Variants in RAPGEF1 observed in about 807,000 individuals in gnomAD.
The protein encoded by RAPGEF1 is Rap guanine nucleotide exchange factor 1.
RAPGEF1 carries 33 observed loss-of-function variants against 143.3 expected under a neutral mutation model. The ratio of observed to expected loss-of-function variants is 0.23; its 90% CI spans 0.17 to 0.31. RAPGEF1 has a LOEUF of 0.31. Ranked by LOEUF, RAPGEF1 falls within the 10% of genes least tolerant of loss-of-function variation. RAPGEF1 has a pLI of 1.00. For missense variants in RAPGEF1, 1,199 were observed against 1,645.4 expected, an observed-to-expected ratio of 0.73 and a Z score of 4.69; for synonymous variants, 629 against 676.5, an observed-to-expected ratio of 0.93 and a Z score of 1.09.
intron 1 of RAPGEF1, among the ~76,000 whole-genome samples, chr9:131,730,286 G>A (rs1332172134): frequency 6.7e-6 from 1 of 149,046 alleles, no homozygotes; most frequent in African/African-American, 2.5e-5. Flanking sequence ...AAGCTATTTT[G>A]ATGATTAGTT....
Position 131,737,504 on chromosome 9 carries a change from A to G in RAPGEF1, c.61+2266T>C. ...TCTCTGGGAGCAGGCACTTTCATCT[A>G]CAACCCCCTAGCAGAAGGCGGTGCC... On this transcript the variant is annotated intron_variant, in intron 1 of 26. Coordinates refer to ENST00000683357, the MANE Select transcript of RAPGEF1 (RefSeq NM_001377935.1). The G allele has an allele frequency of 1.9e-6, 3 of 1,613,212 alleles. No individual in the cohort carries two copies. The Admixed American group carries it at 5.0e-5, about 27-fold the overall frequency.
chr9:131,590,082 T>C (rs567463838), intron 18 of RAPGEF1, 104 bp from the exon 19 acceptor site: 1 of 994,668 alleles, frequency 1.0e-6, no homozygotes, highest in Non-Finnish European at 1.6e-6. Context: ...TGTGCCCATC[T>C]TCCTGCATGT....
intron 5 of RAPGEF1, among the ~76,000 whole-genome samples, chr9:131,637,302 A>G (rs1966635943): frequency 6.6e-6 from 1 of 151,920 alleles, no homozygotes; most frequent in Non-Finnish European, 1.5e-5. Context: ...CCCCTTTTAC[A>G]TGAACTCTAT....
intron 17 of RAPGEF1, 89 bp downstream of exon 17, chr9:131,596,209 C>T: frequency 1.6e-6 from 2 of 1,263,514 alleles, no homozygotes; most frequent in Non-Finnish European, 2.3e-6. Context: ...AGGGCTGTGG[C>T]TGCCAGGAGG....
At chr9:131,661,658 T>C (rs1974140885) in intron 1 of RAPGEF1, among the ~76,000 whole-genome samples, 2 of 152,334 alleles carry the variant, frequency 1.3e-5, no homozygotes, top group South Asian at 4.1e-4. Context: ...AGAGCCCACA[T>C]GATTTTTATA....
chr9:131,625,913 A>G lies in RAPGEF1; in HGVS notation c.1702+9T>C. ...TGCACTTCCTGACAACAGTGCAACA[A>G]AGGCTTACTGTGTTTGTTTTTCTTC... On this transcript the variant is annotated intron_variant, in intron 10 of 26. Coordinates refer to ENST00000683357, the MANE Select transcript of RAPGEF1 (RefSeq NM_001377935.1). 6.5e-7 allele frequency: 1 copy of G among 1,543,314 alleles called. No individual in the cohort carries two copies. Among genetic ancestry groups the G allele is most frequent in the African/African-American group, 1.4e-5 (1 of 72,980 alleles).
At chr9:131,688,162 C>T (rs1336216632) in intron 1 of RAPGEF1, among the ~76,000 whole-genome samples, 1 of 152,152 alleles carries the variant, frequency 6.6e-6, no homozygotes, top group South Asian at 2.1e-4. Flanking sequence ...CTGGAGATGC[C>T]GTGCCAGATG....
chr9:131,679,197 T>C (rs1180823832), intron 1 of RAPGEF1, among the ~76,000 whole-genome samples: 1 of 151,834 alleles, frequency 6.6e-6, no homozygotes, highest in Non-Finnish European at 1.5e-5. Flanking sequence ...GTACAAAGGA[T>C]AGATTATAAA....
At chr9:131,666,166 AAGTAGTT>A (rs749092345) in intron 1 of RAPGEF1, among the ~76,000 whole-genome samples, 43 of 152,320 alleles carry the variant, frequency 2.8e-4, no homozygotes, top group Admixed American at 1.3e-3. Flanking sequence ...ATAATTCTCT[AAGTAGTT>A]CTAGCACACG....
intron 1 of RAPGEF1, among the ~76,000 whole-genome samples, chr9:131,672,035 A>G (rs1831485534): frequency 6.6e-6 from 1 of 152,164 alleles, no homozygotes; most frequent in Non-Finnish European, 1.5e-5. Context: ...CTGGGCCAAT[A>G]GGTGCTGCTG....
intron 1 of RAPGEF1, among the ~76,000 whole-genome samples, chr9:131,661,673 T>G (rs953057605): frequency 6.6e-6 from 1 of 152,206 alleles, no homozygotes; most frequent in African/African-American, 2.4e-5. Context: ...TTTATATGGG[T>G]CAGATTAACA....
intron 1 of RAPGEF1, among the ~76,000 whole-genome samples, chr9:131,716,747 C>T (rs1835891537): frequency 6.6e-6 from 1 of 152,070 alleles, no homozygotes; most frequent in South Asian, 2.1e-4. Context: ...CACTCCAGCC[C>T]GGGTGACAGA....
chr9:131,714,053 A>T (rs539902564), intron 1 of RAPGEF1, among the ~76,000 whole-genome samples: 73 of 148,374 alleles, frequency 4.9e-4, no homozygotes, highest in African/African-American at 1.7e-3. Flanking sequence ...CTCAGGAATA[A>T]TTTTTTTTTT....
At chr9:131,622,771 CT>C (rs35243547) in intron 10 of RAPGEF1, among the ~76,000 whole-genome samples, 208 of 145,454 alleles carry the variant, frequency 1.4e-3, no homozygotes, top group Middle Eastern at 3.4e-3. Context: ...CTCACACTTC[CT>C]TTTTTTTTTT....
intron 1 of RAPGEF1, among the ~76,000 whole-genome samples, chr9:131,653,597 C>T (rs1264551586): frequency 7.2e-5 from 11 of 152,206 alleles, no homozygotes; most frequent in Admixed American, 6.5e-4. Context: ...TAACGCTTCA[C>T]GCACACTAGG....
intron 1 of RAPGEF1, among the ~76,000 whole-genome samples, chr9:131,729,747 T>C (rs1423156294): frequency 1.3e-5 from 2 of 152,218 alleles, no homozygotes; most frequent in African/African-American, 2.4e-5. Context: ...ATACCTGCCA[T>C]TGCTGACTCT....
At chr9:131,649,515 G>A (rs1170254356) in intron 3 of RAPGEF1, among the ~76,000 whole-genome samples, 1 of 152,092 alleles carries the variant, frequency 6.6e-6, no homozygotes, top group Non-Finnish European at 1.5e-5. Flanking sequence ...TTTGCTGTGC[G>A]ACTTTGGCTA....
intron 1 of RAPGEF1, among the ~76,000 whole-genome samples, chr9:131,717,810 G>T (rs1372472433): frequency 1.3e-5 from 2 of 150,646 alleles, no homozygotes; most frequent in African/African-American, 4.9e-5. Flanking sequence ...AAAAGAGCGG[G>T]GGATGAGGGA....
intron 14 of RAPGEF1, among the ~76,000 whole-genome samples, chr9:131,603,424 C>T (rs538402094): frequency 5.9e-5 from 9 of 152,352 alleles, no homozygotes; most frequent in Admixed American, 2.6e-4. Context: ...AGGGTGCTGA[C>T]GTCGGGTACC....
Sources: allele counts gnomAD v4.1 joint callset (sites outside exome capture counted in the v4.1 genomes callset), GRCh38; gene constraint gnomAD v4.1.1; transcripts MANE v1.5; gene names NCBI Gene and HGNC (gene_info 2026-07-23, HGNC 2026-07-21).